Variants in CLDN18 observed in about 807,000 individuals in gnomAD.
CLDN18 encodes claudin 18, also known as claudin-18.
A neutral mutation model predicts 25.0 loss-of-function variants in CLDN18; 20 were observed. That is an observed-to-expected ratio of 0.80 (90% CI 0.56 to 1.16). The LOEUF is 1.16. Ranked by LOEUF, CLDN18 falls within the 50% of genes most tolerant of loss-of-function variation. The probability of loss-of-function intolerance (pLI) is 0.00; values close to 1 mark genes in which losing one functional copy is unlikely to be tolerated. For synonymous variants in CLDN18, 125 were observed against 135.6 expected (o/e 0.92, Z 0.54); for missense variants, 297 against 345.4 (o/e 0.86, Z 1.11).
intron 1 of CLDN18, among the ~76,000 whole-genome samples, chr3:138,022,095 C>T (rs1205050529): frequency 1.3e-5 from 2 of 152,168 alleles, no homozygotes; most frequent in African/African-American, 4.8e-5. Context: ...TGGGTTTCAT[C>T]TGCTTGCCAT....
At chr3:138,028,835 A>G (rs1942356446) in intron 3 of CLDN18, among the ~76,000 whole-genome samples, 1 of 152,116 alleles carries the variant, frequency 6.6e-6, no homozygotes, top group Admixed American at 6.5e-5. Context: ...GAGTCAGACC[A>G]CCCCAAGTTA....
rs757411997 is a variant in CLDN18, at chr3:138,010,187, G to C, written c.-39G>C. The C allele has an allele frequency of 6.2e-7, 1 of 1,600,352 alleles. No homozygotes were observed. The highest frequency in any genetic ancestry group is 1.1e-5 in the South Asian group (1 of 89,344). On this transcript the variant is annotated 5_prime_UTR_variant, in exon 1 of 5. Coordinates refer to ENST00000183605, the MANE Select transcript of CLDN18 (RefSeq NM_016369.4). ...TTCACACCTTCGGCAGCAGGAGGGC[G>C]GCAGCTTCTCGCAGGCGGCAGGGCG...
chr3:138,009,037 G>A (rs1942099834), upstream of CLDN18, among the ~76,000 whole-genome samples: 1 of 152,198 alleles, frequency 6.6e-6, no homozygotes, highest in Non-Finnish European at 1.5e-5. Context: ...AACACCTGAT[G>A]TCTTCAGCCA....
intron 1 of CLDN18, among the ~76,000 whole-genome samples, chr3:138,000,295 T>C (rs1048648233): frequency 6.6e-5 from 10 of 152,190 alleles, no homozygotes; most frequent in Middle Eastern, 6.8e-3. Context: ...ACTGCAAGAC[T>C]CCATCAAGGT....
At chr3:138,010,829 T>C (rs1171020707) in intron 1 of CLDN18, among the ~76,000 whole-genome samples, 1 of 152,228 alleles carries the variant, frequency 6.6e-6, no homozygotes, top group Non-Finnish European at 1.5e-5. Context: ...ATGCTGAGTA[T>C]TTTGTTATAT....
intron 1 of CLDN18, among the ~76,000 whole-genome samples, chr3:138,020,021 G>A (rs1405719569): frequency 6.6e-6 from 1 of 152,196 alleles, no homozygotes; most frequent in African/African-American, 2.4e-5. Context: ...TCAAGTAAGA[G>A]ACAGAATGGC....
At chr3:138,006,790 C>T (rs1942073756), upstream of CLDN18, among the ~76,000 whole-genome samples, 2 of 152,062 alleles carry the variant, frequency 1.3e-5, no homozygotes, top group East Asian at 1.9e-4. Flanking sequence ...TACAATTTCA[C>T]TCCTCTCATT....
Position 137,999,458 on chromosome 3 carries a change from T to G in CLDN18, c.220+370T>G, listed in dbSNP as rs144602874. Among the ~76,000 whole-genome samples the G allele has an allele frequency of 1.3e-3, 201 of 152,146 alleles. 9 individuals are homozygous for G. The East Asian group carries it at 0.036, about 27-fold the overall frequency. ...GGCCCCGGGATTCCCCCTCACTGAG[T>G]TGGGGACTGCCTATCTCCTGAACAG... On this transcript the variant is annotated intron_variant, in intron 1 of 4. Transcript: ENST00000343735.
chr3:138,017,186 T>C (rs1414250916), intron 1 of CLDN18, among the ~76,000 whole-genome samples: 1 of 152,108 alleles, frequency 6.6e-6, no homozygotes, highest in Non-Finnish European at 1.5e-5. Context: ...TCTTCTAGCC[T>C]TTTTTTCCTC....
intron 1 of CLDN18, among the ~76,000 whole-genome samples, chr3:138,015,558 T>C (rs1460682318): frequency 6.6e-6 from 1 of 152,170 alleles, no homozygotes; most frequent in African/African-American, 2.4e-5. Context: ...CAGATACCTA[T>C]AATACTTTAG....
chr3:138,014,903 G>T (rs938467053), intron 1 of CLDN18, among the ~76,000 whole-genome samples: 1 of 152,098 alleles, frequency 6.6e-6, no homozygotes, highest in African/African-American at 2.4e-5. Flanking sequence ...TGAGGTGGGA[G>T]GATTGCTTGA....
chr3:138,010,549 G>A, intron 1 of CLDN18, 104 bp downstream of exon 1: 1 of 1,428,398 alleles, frequency 7.0e-7, no homozygotes. Flanking sequence ...GACCCTGGCA[G>A]CTCTGGCTCA....
At position 138,031,425 on chromosome 3, in the gene CLDN18, G is replaced by T. The variant is rs1427927379; in HGVS notation, c.*284G>T. 8.4e-6 allele frequency: 2 copies of T among 238,592 alleles called. No individual in the cohort carries two copies. Among genetic ancestry groups the T allele is most frequent in the Admixed American group, 5.5e-5 (1 of 18,206 alleles). 14.8% of individuals were successfully genotyped at this position (238,592 alleles called of 1,614,324 possible). A position where few individuals can be genotyped will look rare whatever the true frequency, so the allele number is the denominator to read the frequency against. On this transcript the variant is annotated 3_prime_UTR_variant, in exon 5 of 5. Transcript: ENST00000183605. ...ACTTTCTACTCTGATGAGAGAATGT[G>T]GTTTTAATCTCTCTCTCACATTTTG... is the stretch of plus-strand genomic sequence containing the variant.
chr3:138,014,189 G>A (rs1321400226), intron 1 of CLDN18, among the ~76,000 whole-genome samples: 10 of 152,154 alleles, frequency 6.6e-5, no homozygotes, highest in Admixed American at 6.5e-4. Flanking sequence ...AGAGAAGCCA[G>A]TTGCCACTCA....
At chr3:138,027,917 T>C (rs370127981) in intron 3 of CLDN18, among the ~76,000 whole-genome samples, 27 of 152,286 alleles carry the variant, frequency 1.8e-4, no homozygotes, top group African/African-American at 6.5e-4. Context: ...TTAAACCAAA[T>C]TTCTGTCTTT....
chr3:138,010,967 G>A (rs1942131208), intron 1 of CLDN18, among the ~76,000 whole-genome samples: 1 of 151,930 alleles, frequency 6.6e-6, no homozygotes, highest in Non-Finnish European at 1.5e-5. Context: ...TGCTGCATTT[G>A]TATTAAGAAT....
At chr3:138,000,524 T>C (rs569603597) in intron 1 of CLDN18, among the ~76,000 whole-genome samples, 3 of 151,294 alleles carry the variant, frequency 2.0e-5, no homozygotes, top group Non-Finnish European at 2.9e-5. Context: ...CATTGAGAGG[T>C]TGGTTGTTTG....
chr3:138,028,028 A>G (rs1475828947), intron 3 of CLDN18, among the ~76,000 whole-genome samples: 1 of 151,466 alleles, frequency 6.6e-6, no homozygotes, highest in Non-Finnish European at 1.5e-5. Context: ...TGAAGCTTAC[A>G]TTGTTTACTT....
chr3:138,030,610 G>T (rs1163694092), intron 4 of CLDN18, among the ~76,000 whole-genome samples: 1 of 152,142 alleles, frequency 6.6e-6, no homozygotes, highest in African/African-American at 2.4e-5. Context: ...CATTGTTTCT[G>T]GTTCAGCTGT....
Sources: allele counts gnomAD v4.1 joint callset (sites outside exome capture counted in the v4.1 genomes callset), GRCh38; gene constraint gnomAD v4.1.1; transcripts MANE v1.5; gene names NCBI Gene and HGNC (gene_info 2026-07-23, HGNC 2026-07-21).